Variants in PTPRD observed in about 807,000 individuals in gnomAD.
The protein encoded by PTPRD is receptor-type tyrosine-protein phosphatase delta.
Under a neutral mutation model 214.5 loss-of-function variants are expected in PTPRD, and 34 were observed. That is an observed-to-expected ratio of 0.16 (90% CI 0.12 to 0.21). The LOEUF is 0.21. PTPRD is among the 10% of genes least tolerant of loss of function. The pLI, the probability that PTPRD is intolerant of heterozygous loss-of-function variation, is 1.00. For synonymous variants in PTPRD, 1,128 were observed against 845.7 expected (o/e 1.33, Z -5.79); for missense variants, 2,545 against 2,398.7 (o/e 1.06, Z -1.27).
intron 14 of PTPRD, among the ~76,000 whole-genome samples, chr9:8,603,095 G>C (rs1484880235): frequency 6.6e-6 from 1 of 152,144 alleles, no homozygotes; most frequent in African/African-American, 2.4e-5. Flanking sequence ...TCTATTACCT[G>C]CAAGATGATT....
chr9:10,229,674 G>A (rs1250638583), intron 3 of PTPRD, among the ~76,000 whole-genome samples: 1 of 149,942 alleles, frequency 6.7e-6, no homozygotes, highest in Non-Finnish European at 1.5e-5. Flanking sequence ...GACATAGATT[G>A]GGGAACATCA....
intron 33 of PTPRD, among the ~76,000 whole-genome samples, chr9:8,459,220 G>C (rs563147089): frequency 1.6e-4 from 24 of 152,016 alleles, no homozygotes; most frequent in Admixed American, 1.4e-3. Context: ...GAATGGAAAT[G>C]AGATTATTAG....
chr9:9,535,146 C>T (rs1246779804), intron 8 of PTPRD, among the ~76,000 whole-genome samples: 1 of 152,094 alleles, frequency 6.6e-6, no homozygotes, highest in African/African-American at 2.4e-5. Flanking sequence ...GCCTCGTGAA[C>T]TTCTGCCCGT....
chr9:9,597,234 C>T (rs534558664), intron 7 of PTPRD, among the ~76,000 whole-genome samples: 39 of 152,052 alleles, frequency 2.6e-4, no homozygotes, highest in Admixed American at 5.9e-4. Flanking sequence ...TAACCTCCCC[C>T]ACCGCAGGAT....
intron 33 of PTPRD, among the ~76,000 whole-genome samples, chr9:8,451,659 G>C (rs1394235606): frequency 6.6e-6 from 1 of 152,164 alleles, no homozygotes; most frequent in Non-Finnish European, 1.5e-5. Flanking sequence ...CAGCCAGCCA[G>C]TCAATTCCAC....
At chr9:8,589,314 T>G (rs2093919119) in intron 14 of PTPRD, among the ~76,000 whole-genome samples, 1 of 152,140 alleles carries the variant, frequency 6.6e-6, no homozygotes, top group Non-Finnish European at 1.5e-5. Context: ...AAAAGTCACA[T>G]CTCATACAAT....
chr9:9,200,162 C>G (rs961137155), intron 9 of PTPRD, among the ~76,000 whole-genome samples: 4 of 152,188 alleles, frequency 2.6e-5, no homozygotes, highest in African/African-American at 9.7e-5. Flanking sequence ...AGCAAGCCAG[C>G]TTGGCAAACA....
chr9:8,774,062 G>C (rs1036328), intron 11 of PTPRD, among the ~76,000 whole-genome samples: 97,086 of 151,980 alleles, frequency 0.64, 31,538 homozygotes, highest in Middle Eastern at 0.72. Flanking sequence ...CCATTACTTT[G>C]TACCACAGCT....
intron 7 of PTPRD, among the ~76,000 whole-genome samples, chr9:9,682,947 G>A (rs1399591507): frequency 6.6e-6 from 1 of 151,732 alleles, no homozygotes; most frequent in Non-Finnish European, 1.5e-5. Flanking sequence ...AGCTTTAACT[G>A]ATGAACAAGA....
intron 8 of PTPRD, among the ~76,000 whole-genome samples, chr9:9,433,901 G>T (rs1313936898): frequency 1.3e-5 from 2 of 152,126 alleles, no homozygotes; most frequent in Admixed American, 1.3e-4. Flanking sequence ...AATCTTTGTG[G>T]CTGAGGGTTT....
intron 2 of PTPRD, among the ~76,000 whole-genome samples, chr9:10,487,966 G>GTCTCCC (rs1491332095): frequency 2.7e-5 from 3 of 110,270 alleles, no homozygotes; most frequent in African/African-American, 1.2e-4. Flanking sequence ...AATGAACACA[G>GTCTCCC]TCTCTCTCTC....
intron 2 of PTPRD, among the ~76,000 whole-genome samples, chr9:10,479,315 T>C (rs1169677225): frequency 6.6e-6 from 1 of 152,068 alleles, no homozygotes; most frequent in Non-Finnish European, 1.5e-5. Flanking sequence ...CCAATCTTCA[T>C]ATTTCAGGCT....
intron 23 of PTPRD, among the ~76,000 whole-genome samples, chr9:8,503,153 CAT>C (rs1358462191): frequency 6.6e-6 from 1 of 151,806 alleles, no homozygotes; most frequent in Non-Finnish European, 1.5e-5. Flanking sequence ...GAGGGAAAAA[CAT>C]AAATTTTATT....
intron 4 of PTPRD, among the ~76,000 whole-genome samples, chr9:9,981,127 A>T (rs2154065894): frequency 6.6e-6 from 1 of 152,318 alleles, no homozygotes; most frequent in African/African-American, 2.4e-5. Flanking sequence ...AGGAATTCGT[A>T]GCAAACTAAA....
intron 5 of PTPRD, among the ~76,000 whole-genome samples, chr9:9,930,472 T>C (rs1186791532): frequency 6.6e-6 from 1 of 152,206 alleles, no homozygotes; most frequent in African/African-American, 2.4e-5. Flanking sequence ...CTTGTATGTT[T>C]GAGTTTTCAA....
chr9:8,578,371 T>C (rs778955675), intron 14 of PTPRD, among the ~76,000 whole-genome samples: 35 of 151,774 alleles, frequency 2.3e-4, no homozygotes, highest in Non-Finnish European at 4.9e-4. Flanking sequence ...AACCCCTATA[T>C]ATAGTCTATT....
chr9:10,483,465 G>C (rs747748224), intron 2 of PTPRD, among the ~76,000 whole-genome samples: 3 of 151,336 alleles, frequency 2.0e-5, no homozygotes, highest in Non-Finnish European at 4.4e-5. Context: ...TACAGCAAAA[G>C]AAATAATCGT....
At chr9:9,113,945 G>C (rs532498367) in intron 10 of PTPRD, among the ~76,000 whole-genome samples, 59 of 152,276 alleles carry the variant, frequency 3.9e-4, no homozygotes, top group Non-Finnish European at 6.6e-4. Flanking sequence ...AAAAGAGTAT[G>C]AGAAGAATGG....
rs575049185 is a variant in PTPRD at position 8,389,234 on chromosome 9, T to G, written c.4384A>C (p.Arg1462=). The part of the protein sequence containing the change: ...VMMTKLEERS[R]VKCDQYWPSR... ...AAGAGGTGGATACTTATTCTTACCC[T>G]TGATCTTTCTTCTAGTTTTGTCATC... The change falls in exon 37 of 46, where the codon AGG becomes CGG. Residue 1462 remains arginine, a splice_region_variant and synonymous_variant. Coordinates refer to ENST00000381196, the MANE Select transcript of PTPRD (RefSeq NM_002839.4). 6.2e-6 allele frequency: 10 copies of G among 1,607,726 alleles called. No individual in the cohort carries two copies. The African/African-American group carries it at 1.1e-4, about 17-fold the overall frequency.
Sources: allele counts gnomAD v4.1 joint callset (sites outside exome capture counted in the v4.1 genomes callset), GRCh38; gene constraint gnomAD v4.1.1; transcripts MANE v1.5; gene names NCBI Gene and HGNC (gene_info 2026-07-23, HGNC 2026-07-21).